The following SLC41A2 variants were observed in gnomAD, a reference collection of about 807,000 sequenced individuals.
The protein encoded by SLC41A2 is SLC41A1-like 1.
SLC41A2 carries 32 observed loss-of-function variants against 58.3 expected under a neutral mutation model. The observed-to-expected ratio is 0.55, with a 90% CI of 0.41 to 0.74. The LOEUF (loss-of-function observed/expected upper bound fraction) is 0.74, where lower values mean the gene tolerates loss of function less well. Among genes scored for constraint, SLC41A2 ranks in the 30% least tolerant of loss-of-function variants. The probability of loss-of-function intolerance (pLI) is 0.00; values close to 1 mark genes in which losing one functional copy is unlikely to be tolerated. For missense variants in SLC41A2, 514 were observed against 680.6 expected, an observed-to-expected ratio of 0.76 and a Z score of 2.72; for synonymous variants, 190 against 235.0, an observed-to-expected ratio of 0.81 and a Z score of 1.75.
intron 10 of SLC41A2, among the ~76,000 whole-genome samples, chr12:104,806,987 T>C (rs1249460524): frequency 1.3e-5 from 2 of 152,254 alleles, no homozygotes; most frequent in African/African-American, 4.8e-5. Flanking sequence ...ATGAGTAGAT[T>C]GCAAAAATTT....
rs78004882 is a variant in SLC41A2, at chr12:104,886,655, G to C, written c.881-216C>G. Among the ~76,000 whole-genome samples, 123 of 152,106 alleles carry C rather than the reference G, an allele frequency of 8.1e-4. No homozygotes were observed. The East Asian group carries it at 0.019, about 24-fold the overall frequency. ...GATCATAGAAAATTTAAGAAGTTCA[G>C]CATTGTATTTAGAGGCCTGAAAGCT... On this transcript the variant is annotated intron_variant, in intron 5 of 10. Transcript: ENST00000258538.
intron 4 of SLC41A2, among the ~76,000 whole-genome samples, chr12:104,892,021 C>T (rs187221684): frequency 2.0e-4 from 30 of 152,026 alleles, no homozygotes; most frequent in Non-Finnish European, 2.8e-4. Flanking sequence ...TAAAACAGGC[C>T]GGGAGCAGTG....
chr12:104,900,015 T>C (rs1417704099), intron 3 of SLC41A2, among the ~76,000 whole-genome samples: 1 of 152,140 alleles, frequency 6.6e-6, no homozygotes, highest in African/African-American at 2.4e-5. Context: ...GATCTCCCCT[T>C]TTCTGTACTT....
chr12:104,948,895 T>C (rs939437581), intron 1 of SLC41A2, among the ~76,000 whole-genome samples: 3 of 152,226 alleles, frequency 2.0e-5, no homozygotes, highest in Non-Finnish European at 4.4e-5. Context: ...GAACTATCTC[T>C]GCACTATCTT....
At chr12:104,954,094 TCCATTTTTTA>T (rs776896169) in intron 1 of SLC41A2, among the ~76,000 whole-genome samples, 8 of 152,200 alleles carry the variant, frequency 5.3e-5, no homozygotes, top group Non-Finnish European at 1.2e-4. Context: ...TCTAAAGCTT[TCCATTTTTTA>T]ACATCCTCAC....
intron 1 of SLC41A2, among the ~76,000 whole-genome samples, chr12:104,934,694 T>C (rs1651172557): frequency 6.6e-6 from 1 of 152,220 alleles, no homozygotes; most frequent in South Asian, 2.1e-4. Context: ...TGGAATACTA[T>C]TCAGCTTTAA....
chr12:104,838,753 A>G (rs550177085), intron 10 of SLC41A2, among the ~76,000 whole-genome samples: 9 of 152,340 alleles, frequency 5.9e-5, no homozygotes, highest in Admixed American at 2.0e-4. Flanking sequence ...CTGTATTGTT[A>G]TAAGGAAGTA....
intron 1 of SLC41A2, among the ~76,000 whole-genome samples, chr12:104,953,583 A>G (rs2048035427): frequency 6.6e-6 from 1 of 152,196 alleles, no homozygotes; most frequent in Non-Finnish European, 1.5e-5. Context: ...TTTCCATTCT[A>G]ACTGCTATAA....
chr12:104,868,456 C>T (rs1032202798), intron 6 of SLC41A2, among the ~76,000 whole-genome samples: 1 of 151,908 alleles, frequency 6.6e-6, no homozygotes, highest in African/African-American at 2.4e-5. Context: ...ACCCACCACA[C>T]CCACCCCAGA....
chr12:104,954,193 T>A (rs950732401), intron 1 of SLC41A2, among the ~76,000 whole-genome samples: 1 of 152,142 alleles, frequency 6.6e-6, no homozygotes, highest in Non-Finnish European at 1.5e-5. Flanking sequence ...CTATCCCTCC[T>A]CAAGTCAAAA....
intron 6 of SLC41A2, among the ~76,000 whole-genome samples, chr12:104,880,147 A>G (rs1332709620): frequency 6.6e-6 from 1 of 151,988 alleles, no homozygotes; most frequent in Non-Finnish European, 1.5e-5. Flanking sequence ...GATGCTTGTG[A>G]TTTTTGCACA....
At chr12:104,936,667 G>A (rs570774197) in intron 1 of SLC41A2, among the ~76,000 whole-genome samples, 60 of 152,288 alleles carry the variant, frequency 3.9e-4, no homozygotes, top group African/African-American at 1.4e-3. Context: ...ACCTGCCCCC[G>A]TAATTCAGTC....
intron 6 of SLC41A2, among the ~76,000 whole-genome samples, chr12:104,879,911 A>G (rs2044274735): frequency 6.6e-6 from 1 of 152,114 alleles, no homozygotes; most frequent in Non-Finnish European, 1.5e-5. Flanking sequence ...TGAGCATGGA[A>G]TGTTCTTCCA....
rs367777671 is a variant in SLC41A2, at chr12:104,854,562, C to CA, written c.1255+6728dup. 4.1e-4 allele frequency among the ~76,000 whole-genome samples: 30 copies of CA among 73,916 alleles called. 1 individual carries two copies. Among genetic ancestry groups the CA allele is most frequent in the African/African-American group, 1.2e-3 (28 of 22,456 alleles). The allele number at this position is 73,916 out of a possible 152,430, so 48.5% of individuals were successfully genotyped here. ...TGGGCGAAAGAGCCAGACTCCGTCT[C>CA]AAAAAAACAAAAAAAAAAAAACACC... On this transcript the variant is annotated intron_variant, in intron 8 of 10. Transcript: ENST00000258538.
chr12:104,932,081 G>A (rs890748965), intron 1 of SLC41A2, among the ~76,000 whole-genome samples: 2 of 152,104 alleles, frequency 1.3e-5, no homozygotes, highest in Admixed American at 6.5e-5. Flanking sequence ...GAAAATGTGG[G>A]CCTTTTAAAA....
chr12:104,860,571 G>A (rs541568274), intron 8 of SLC41A2, among the ~76,000 whole-genome samples: 3 of 151,804 alleles, frequency 2.0e-5, no homozygotes, highest in Admixed American at 2.0e-4. Context: ...ATCAGCTGAG[G>A]ACCAATAGAT....
chr12:104,837,954 G>A (rs2042268649), intron 10 of SLC41A2, among the ~76,000 whole-genome samples: 1 of 152,218 alleles, frequency 6.6e-6, no homozygotes, highest in South Asian at 2.1e-4. Context: ...ACTCAAGAGT[G>A]ACTCTGAAGA....
intron 1 of SLC41A2, among the ~76,000 whole-genome samples, chr12:104,945,507 A>G (rs1265769989): frequency 6.6e-6 from 1 of 152,202 alleles, no homozygotes; most frequent in Non-Finnish European, 1.5e-5. Flanking sequence ...CTCAAAAAAA[A>G]AGAAAAAAAG....
chr12:104,925,234 T>C (rs2046782545), intron 2 of SLC41A2, among the ~76,000 whole-genome samples: 1 of 152,224 alleles, frequency 6.6e-6, no homozygotes, highest in South Asian at 2.1e-4. Flanking sequence ...TTAAAAAGTT[T>C]AAAAGAGCAC....
Sources: gnomAD v4.1 joint callset for allele counts (sites outside exome capture counted in the v4.1 genomes callset) on GRCh38, gnomAD v4.1.1 for gene constraint, MANE v1.5 for transcripts, NCBI Gene and HGNC (gene_info 2026-07-23, HGNC 2026-07-21) for gene names.